The following CHST8 variants were observed in gnomAD, a reference collection of about 807,000 sequenced individuals.
CHST8 encodes GALNAC-4-ST1.
Under a neutral mutation model 15.0 loss-of-function variants are expected in CHST8, and 10 were observed. The observed-to-expected ratio is 0.67, with a 90% confidence interval of 0.41 to 1.13. The LOEUF (loss-of-function observed/expected upper bound fraction) is 1.13. CHST8 is among the 50% of genes most tolerant of loss of function. CHST8 has a pLI of 0.00. For missense variants in CHST8, 634 were observed against 608.2 expected, an observed-to-expected ratio of 1.04 and a Z score of -0.45; for synonymous variants, 259 against 256.6, an observed-to-expected ratio of 1.01 and a Z score of -0.09.
At chr19:33,753,100 C>T (rs943941131) in intron 3 of CHST8, among the ~76,000 whole-genome samples, 1 of 152,052 alleles carries the variant, frequency 6.6e-6, no homozygotes, top group Non-Finnish European at 1.5e-5. Flanking sequence ...ACCACTGTCA[C>T]CTGTGCCACT....
At chr19:33,659,313 C>T (rs944045816) in intron 1 of CHST8, among the ~76,000 whole-genome samples, 6 of 152,126 alleles carry the variant, frequency 3.9e-5, no homozygotes, top group African/African-American at 1.4e-4. Flanking sequence ...GATCCACCTT[C>T]CTTAGCCTCC....
intron 1 of CHST8, among the ~76,000 whole-genome samples, chr19:33,655,873 C>T (rs574680084): frequency 6.6e-6 from 1 of 152,178 alleles, no homozygotes; most frequent in Admixed American, 6.5e-5. Flanking sequence ...CTGTTCAACT[C>T]TTTTAAAAAT....
At chr19:33,754,952 G>C (rs1463826423) in intron 3 of CHST8, among the ~76,000 whole-genome samples, 3 of 152,184 alleles carry the variant, frequency 2.0e-5, no homozygotes, top group Admixed American at 1.3e-4. Flanking sequence ...AGGGGCACCT[G>C]TCTGCAGCCT....
At position 33,746,973 on chromosome 19, in the gene CHST8, C is replaced by T. The variant is rs538098338; in HGVS notation, c.131-24440C>T. 7.2e-5 allele frequency among the ~76,000 whole-genome samples: 11 copies of T among 152,280 alleles called. No individual in the cohort carries two copies. In the South Asian group the frequency reaches 1.2e-3, roughly 17 times the overall value. On this transcript the variant is annotated intron_variant, in intron 3 of 4. Coordinates refer to ENST00000650847, the MANE Select transcript of CHST8 (RefSeq NM_001127895.2). ...TTGAGGGGCAGACCTGCAGAGCAAT[C>T]GGTTTGGGCACATGCATGTCAAACG...
At position 33,772,416 on chromosome 19, in the gene CHST8, A is replaced by G. The variant is rs1391174651; in HGVS notation, c.628A>G (p.Met210Val). 2 of 1,610,520 alleles carry G rather than the reference A, an allele frequency of 1.2e-6. No homozygotes were observed. Among genetic ancestry groups the G allele is most frequent in the Admixed American group, 1.7e-5 (1 of 60,020 alleles). Reference protein sequence around the residue: ...AGCSNWKRVLMVLAGLASSTA... With the variant: ...AGCSNWKRVLVVLAGLASSTA... ...CTGCTCCAATTGGAAGCGGGTGCTCATGGTGCTGGCCGGCCTGGCCTCGTC... is the reference window on the plus strand; with the variant it reads ...CTGCTCCAATTGGAAGCGGGTGCTCGTGGTGCTGGCCGGCCTGGCCTCGTC... Residue 210 changes from methionine to valine, a missense_variant, in exon 5 of 5, where the codon ATG becomes GTG. Physicochemically the swap from Met to Val is conservative, Grantham distance 21. Coordinates refer to ENST00000650847, the MANE Select transcript of CHST8 (RefSeq NM_001127895.2).
At chr19:33,657,753 C>T (rs1253665869) in intron 1 of CHST8, among the ~76,000 whole-genome samples, 1 of 151,840 alleles carries the variant, frequency 6.6e-6, no homozygotes, top group African/African-American at 2.4e-5. Flanking sequence ...ATTATTTTCG[C>T]AGAGACATGG....
intron 1 of CHST8, among the ~76,000 whole-genome samples, chr19:33,662,646 G>A (rs939633827): frequency 5.9e-5 from 9 of 152,178 alleles, no homozygotes; most frequent in African/African-American, 2.2e-4. Flanking sequence ...TGGAACAAAC[G>A]GATGAGGTAA....
At chr19:33,626,783 C>CTTTT (rs373066494) in intron 1 of CHST8, among the ~76,000 whole-genome samples, 3 of 133,480 alleles carry the variant, frequency 2.2e-5, no homozygotes, top group Non-Finnish European at 3.1e-5. Flanking sequence ...TTTTTTTTTC[C>CTTTT]TTTTTTTTTT....
chr19:33,688,328 G>A (rs758248422), intron 2 of CHST8, among the ~76,000 whole-genome samples: 1 of 152,234 alleles, frequency 6.6e-6, no homozygotes, highest in Admixed American at 6.5e-5. Flanking sequence ...GAGGAAGCGG[G>A]GTAAGGGGTG....
At chr19:33,656,405 G>A (rs1408376392) in intron 1 of CHST8, among the ~76,000 whole-genome samples, 2 of 152,202 alleles carry the variant, frequency 1.3e-5, no homozygotes, top group Admixed American at 1.3e-4. Context: ...ATCTTAGAAT[G>A]TGTGAAATAG....
intron 3 of CHST8, among the ~76,000 whole-genome samples, chr19:33,725,648 C>G (rs1203602842): frequency 2.0e-5 from 3 of 152,236 alleles, no homozygotes; most frequent in Non-Finnish European, 2.9e-5. Flanking sequence ...CCACTCTGGC[C>G]TCCCTGGTCC....
At chr19:33,659,556 C>T (rs1423162260) in intron 1 of CHST8, among the ~76,000 whole-genome samples, 2 of 152,216 alleles carry the variant, frequency 1.3e-5, no homozygotes, top group East Asian at 3.9e-4. Context: ...GTGTTCAGGC[C>T]AGGCACAGTG....
chr19:33,691,674 G>A (rs1023031067), intron 3 of CHST8, among the ~76,000 whole-genome samples: 8 of 152,212 alleles, frequency 5.3e-5, no homozygotes, highest in African/African-American at 1.4e-4. Context: ...ACATTTATCT[G>A]TTGGAAACCA....
chr19:33,766,889 G>A (rs75250036), intron 3 of CHST8, among the ~76,000 whole-genome samples: 1,786 of 152,302 alleles, frequency 0.012, 46 homozygotes, highest in African/African-American at 0.04. Flanking sequence ...ACATGGAAAC[G>A]CGGCCACACA....
At chr19:33,742,124 A>G (rs71351737) in intron 3 of CHST8, among the ~76,000 whole-genome samples, 14,233 of 152,172 alleles carry the variant, frequency 0.094, 837 homozygotes, top group Non-Finnish European at 0.12. Flanking sequence ...TGTTTAACCA[A>G]ATGGCTGTGG....
intron 1 of CHST8, among the ~76,000 whole-genome samples, chr19:33,636,907 A>T (rs1443385760): frequency 1.3e-5 from 2 of 152,240 alleles, no homozygotes; most frequent in African/African-American, 4.8e-5. Context: ...GTCTCAAAAA[A>T]GAAAGAAAGT....
chr19:33,652,225 A>G (rs1254136938), intron 1 of CHST8, among the ~76,000 whole-genome samples: 1 of 152,034 alleles, frequency 6.6e-6, no homozygotes, highest in Admixed American at 6.6e-5. Flanking sequence ...TAATATTACA[A>G]AACAACTCTG....
intron 2 of CHST8, among the ~76,000 whole-genome samples, chr19:33,673,153 G>A (rs992329112): frequency 3.3e-5 from 5 of 152,194 alleles, no homozygotes; most frequent in East Asian, 1.9e-4. Flanking sequence ...TCCGGGTGTC[G>A]TGGCTGGGAG....
chr19:33,763,805 A>T (rs1974781234), intron 3 of CHST8, among the ~76,000 whole-genome samples: 1 of 152,238 alleles, frequency 6.6e-6, no homozygotes, highest in Admixed American at 6.5e-5. Context: ...TCAGAGGCCC[A>T]TGGGGACAAT....
Sources: gnomAD v4.1 joint callset for allele counts (sites outside exome capture counted in the v4.1 genomes callset) on GRCh38, gnomAD v4.1.1 for gene constraint, MANE v1.5 for transcripts, NCBI Gene and HGNC (gene_info 2026-07-23, HGNC 2026-07-21) for gene names.